The following EAPP variants were observed in gnomAD, a reference collection of about 807,000 sequenced individuals.
The protein encoded by EAPP is E2F associated phosphoprotein.
EAPP carries 38 observed loss-of-function variants against 34.3 expected under a neutral mutation model. The observed-to-expected ratio is 1.11, with a 90% confidence interval of 0.85 to 1.45. The LOEUF is 1.45. Among genes scored for constraint, EAPP ranks in the 40% most tolerant of loss-of-function variants. The probability of loss-of-function intolerance (pLI) is 0.00; values close to 1 mark genes in which losing one functional copy is unlikely to be tolerated. For synonymous variants in EAPP, 113 were observed against 117.6 expected (o/e 0.96, Z 0.25); for missense variants, 338 against 343.7 (o/e 0.98, Z 0.13).
intron 5 of EAPP, among the ~76,000 whole-genome samples, chr14:34,518,288 T>C (rs1879801870): frequency 6.6e-6 from 1 of 151,196 alleles, no homozygotes. Context: ...TATTATTGTA[T>C]TGCAATACTA....
intron 4 of EAPP, 42 bp downstream of exon 4, chr14:34,529,316 C>CT: frequency 1.4e-6 from 2 of 1,403,870 alleles, no homozygotes; most frequent in Non-Finnish European, 2.0e-6. Context: ...ATCTTTCAAT[C>CT]TTTTTTTCTA....
intron 3 of EAPP, among the ~76,000 whole-genome samples, chr14:34,531,458 C>T (rs918068393): frequency 2.6e-5 from 4 of 151,706 alleles, no homozygotes; most frequent in Non-Finnish European, 4.4e-5. Flanking sequence ...AAAATTTAGC[C>T]GGGCGTGGTG....
At chr14:34,525,360 GAT>G (rs1472224860) in intron 4 of EAPP, among the ~76,000 whole-genome samples, 1 of 152,150 alleles carries the variant, frequency 6.6e-6, no homozygotes, top group Non-Finnish European at 1.5e-5. Context: ...TCAGCAAGGT[GAT>G]CGAGGTCAAT....
At chr14:34,518,491 G>A (rs2138882593) in intron 5 of EAPP, among the ~76,000 whole-genome samples, 1 of 151,874 alleles carries the variant, frequency 6.6e-6, no homozygotes, top group Non-Finnish European at 1.5e-5. Context: ...CCGCCATCAT[G>A]CCCAGCTAAT....
At chr14:34,537,501 A>G (rs1052174359) in intron 1 of EAPP, among the ~76,000 whole-genome samples, 2 of 152,210 alleles carry the variant, frequency 1.3e-5, no homozygotes, top group Non-Finnish European at 2.9e-5. Context: ...GACCCTAGAT[A>G]TGCAAGTTAA....
intron 1 of EAPP, 157 bp downstream of exon 1, chr14:34,539,398 C>T (rs1417862760): frequency 2.5e-6 from 2 of 792,256 alleles, no homozygotes; most frequent in Non-Finnish European, 4.3e-6. Flanking sequence ...ACTGCGCGAC[C>T]CCATCAGGAA....
At chr14:34,534,607 TTGTG>T (rs1352997103) in intron 2 of EAPP, among the ~76,000 whole-genome samples, 1 of 152,176 alleles carries the variant, frequency 6.6e-6, no homozygotes, top group East Asian at 1.9e-4. Flanking sequence ...TTTTGTAAGT[TTGTG>T]TGTCTTTTTT....
intron 4 of EAPP, among the ~76,000 whole-genome samples, chr14:34,528,399 C>T (rs1190866931): frequency 1.4e-5 from 2 of 142,056 alleles, no homozygotes; most frequent in African/African-American, 5.2e-5. Flanking sequence ...TAAATCCACT[C>T]TTCATCCACA....
intron 5 of EAPP, among the ~76,000 whole-genome samples, chr14:34,521,105 G>A (rs1879902474): frequency 6.6e-6 from 1 of 152,000 alleles, no homozygotes. Flanking sequence ...TTTTGCTCTT[G>A]TTGCCCAGGC....
chr14:34,529,328 A>C (rs753552814), intron 4 of EAPP, 30 bp downstream of exon 4: 16 of 1,456,602 alleles, frequency 1.1e-5, no homozygotes, highest in Non-Finnish European at 9.5e-7. Context: ...TTTTTTCTAA[A>C]GATTCTAAAT....
intron 4 of EAPP, 142 bp downstream of exon 4, chr14:34,529,216 A>G: frequency 5.0e-6 from 3 of 605,110 alleles, no homozygotes; most frequent in Non-Finnish European, 8.4e-6. Flanking sequence ...TAAACTACTG[A>G]GCAGTTTTTT....
In EAPP at chr14:34,539,617, A is replaced by G. The variant is rs377754690; in HGVS notation, c.12T>C (p.Leu4=). 3.0e-5 allele frequency: 47 copies of G among 1,575,176 alleles called. No individual in the cohort carries two copies. The highest frequency in any genetic ancestry group is 4.0e-5 in the Non-Finnish European group (46 of 1,158,966). Residue 4 remains leucine (L), a synonymous_variant, in exon 1 of 6, where the codon CTT becomes CTC. Transcript: ENST00000250454. MNR[L]PDDYDPYAVE... ...CCGCGTAGGGGTCGTAGTCATCCGGAAGCCGGTTCATGGTGGCCTGCAGCG... is the reference window on the plus strand; with the variant it reads ...CCGCGTAGGGGTCGTAGTCATCCGGGAGCCGGTTCATGGTGGCCTGCAGCG...
chr14:34,539,637 G>A lies in EAPP; in HGVS notation c.-9C>T, dbSNP rs1223124956. 4 of 1,561,586 alleles carry A rather than the reference G, an allele frequency of 2.6e-6. No homozygotes were observed. Among genetic ancestry groups the A allele is most frequent in the Non-Finnish European group, 2.6e-6 (3 of 1,153,108 alleles). On this transcript the variant is annotated 5_prime_UTR_variant, in exon 1 of 6. Transcript: ENST00000250454. ...TCCGGAAGCCGGTTCATGGTGGCCTGCAGCGGCCTACACCGTCCACAAGCA... is the reference window on the plus strand; with the variant it reads ...TCCGGAAGCCGGTTCATGGTGGCCTACAGCGGCCTACACCGTCCACAAGCA...
In EAPP at chr14:34,525,131, C is replaced by T. The variant is rs931486954; in HGVS notation, c.471-324G>A. Among the ~76,000 whole-genome samples the T allele has an allele frequency of 2.0e-5, 3 of 152,024 alleles. No homozygotes were observed. The East Asian group carries it at 5.8e-4, about 29-fold the overall frequency. On this transcript the variant is annotated intron_variant, in intron 4 of 5. Transcript: ENST00000250454. ...AAGTATAAATACCCACGAATCCACG[C>T]TAATATAAATGTACTGAATAAATAA...
At chr14:34,525,037 C>G (rs567449385) in intron 4 of EAPP, among the ~76,000 whole-genome samples, 1 of 152,096 alleles carries the variant, frequency 6.6e-6, no homozygotes, top group Admixed American at 6.6e-5. Flanking sequence ...CAGGAGCCAA[C>G]TGAACAAGTC....
chr14:34,528,838 C>A (rs1198127301), intron 4 of EAPP, among the ~76,000 whole-genome samples: 3 of 150,700 alleles, frequency 2.0e-5, no homozygotes, highest in South Asian at 2.1e-4. Context: ...TAAAAAAAAA[C>A]AAAAAAACAA....
chr14:34,519,093 G>A (rs1879830280), intron 5 of EAPP, among the ~76,000 whole-genome samples: 1 of 152,112 alleles, frequency 6.6e-6, no homozygotes, highest in South Asian at 2.1e-4. Context: ...TAGATCTTGG[G>A]GGCAGACTTC....
chr14:34,530,640 C>G (rs530918968), intron 3 of EAPP, among the ~76,000 whole-genome samples: 1 of 151,940 alleles, frequency 6.6e-6, no homozygotes, highest in South Asian at 2.1e-4. Context: ...ACTGGTATCT[C>G]AAGGACTAAG....
rs1880044010 is a variant in EAPP at position 34,524,821 on chromosome 14, A to G, written c.471-14T>C. The G allele has an allele frequency of 6.3e-7, 1 of 1,598,860 alleles. No homozygotes were observed. The highest frequency in any genetic ancestry group is 1.3e-5 in the African/African-American group (1 of 74,376). On this transcript the variant is annotated splice_polypyrimidine_tract_variant and intron_variant, in intron 4 of 5. Coordinates refer to ENST00000250454, the MANE Select transcript of EAPP (RefSeq NM_018453.4). The stretch of plus-strand genomic sequence containing the variant: ...AAACCATGGTAACTAGAACAGAAGA[A>G]GAAAGTGGGGAGAAAAACATATTAA...
Sources: allele counts gnomAD v4.1 joint callset (sites outside exome capture counted in the v4.1 genomes callset), GRCh38; gene constraint gnomAD v4.1.1; transcripts MANE v1.5; gene names NCBI Gene and HGNC (gene_info 2026-07-23, HGNC 2026-07-21).